CDH18: variants seen among roughly 807,000 people sequenced by gnomAD.
CDH18 encodes cadherin 18.
A neutral mutation model predicts 67.9 loss-of-function variants in CDH18; 31 were observed. The observed-to-expected ratio is 0.46, with a 90% CI of 0.34 to 0.62. The LOEUF is 0.62. CDH18 is among the 20% of genes least tolerant of loss of function. The probability of loss-of-function intolerance (pLI) is 0.01; values close to 1 mark genes in which losing one functional copy is unlikely to be tolerated. For synonymous variants in CDH18, 362 were observed against 347.2 expected (o/e 1.04, Z -0.48); for missense variants, 890 against 975.5 (o/e 0.91, Z 1.17).
chr5:20,516,492 C>A (rs912564141), intron 1 of CDH18, among the ~76,000 whole-genome samples: 2 of 151,782 alleles, frequency 1.3e-5, no homozygotes, highest in Non-Finnish European at 2.9e-5. Context: ...GCTGAGTTTT[C>A]AAATGAGCTG....
At chr5:20,046,385 A>C (rs992142215) in intron 2 of CDH18, among the ~76,000 whole-genome samples, 1 of 151,882 alleles carries the variant, frequency 6.6e-6, no homozygotes, top group African/African-American at 2.4e-5. Flanking sequence ...TTTCATATGT[A>C]TTAATTTTGA....
intron 3 of CDH18, 117 bp from the exon 4 acceptor site, chr5:19,747,353 G>A: frequency 1.3e-6 from 1 of 774,474 alleles, no homozygotes; most frequent in Non-Finnish European, 2.0e-6. Flanking sequence ...CCTTTACAGT[G>A]CCCTGTGTGT....
intron 10 of CDH18, among the ~76,000 whole-genome samples, chr5:19,511,183 G>C (rs925509534): frequency 1.3e-5 from 2 of 152,096 alleles, no homozygotes; most frequent in African/African-American, 2.4e-5. Context: ...TTCTGAAGAA[G>C]GTGCCTTGCT....
rs142084787 is a variant in CDH18 at position 19,812,433 on chromosome 5, T to C, written c.228+26326A>G. ...AAAATATGTAACTGAAATTTGAACA[T>C]TCTATGTCGTTGTTGGAGAAGTAGA... is the stretch of plus-strand genomic sequence containing the variant. On this transcript the variant is annotated intron_variant, in intron 3 of 12. Coordinates refer to ENST00000382275, the MANE Select transcript of CDH18 (RefSeq NM_004934.5). Among the ~76,000 whole-genome samples, 585 of 152,290 alleles carry C rather than the reference T, an allele frequency of 3.8e-3. 6 individuals carry two copies. The highest frequency in any genetic ancestry group is 0.013 in the African/African-American group (559 of 41,580).
In CDH18 at chr5:20,422,757, C is replaced by T. The variant is rs1280385763; in HGVS notation, c.-580+152705G>A. 2.0e-5 allele frequency among the ~76,000 whole-genome samples: 3 copies of T among 150,948 alleles called. No homozygotes were observed. In the East Asian group the frequency reaches 5.8e-4, roughly 29 times the overall value. On this transcript the variant is annotated intron_variant, in intron 1 of 14. Coordinates refer to the CDH18 transcript ENST00000507958. ...AGGTGAAAAACTAAAAAGCAACTTC[C>T]CAGAATGGACAAAAGGTAACTTTAA...
At chr5:20,323,550 A>G (rs573996081) in intron 1 of CDH18, among the ~76,000 whole-genome samples, 1 of 152,372 alleles carries the variant, frequency 6.6e-6, no homozygotes, top group South Asian at 2.1e-4. Context: ...GTACACAGAT[A>G]GTAACATATG....
At chr5:20,284,462 A>G (rs1042127313) in intron 1 of CDH18, among the ~76,000 whole-genome samples, 3 of 152,018 alleles carry the variant, frequency 2.0e-5, no homozygotes, top group African/African-American at 7.2e-5. Context: ...AACAGAAAAC[A>G]TGCTGATTAA....
At chr5:20,537,215 T>C (rs1435935802) in intron 1 of CDH18, among the ~76,000 whole-genome samples, 1 of 152,172 alleles carries the variant, frequency 6.6e-6, no homozygotes, top group Non-Finnish European at 1.5e-5. Flanking sequence ...TCTTCTATCC[T>C]AGAAAACTTG....
intron 1 of CDH18, among the ~76,000 whole-genome samples, chr5:20,321,352 G>A (rs1357845989): frequency 6.6e-6 from 1 of 151,972 alleles, no homozygotes; most frequent in Non-Finnish European, 1.5e-5. Flanking sequence ...TGTAGTTAGA[G>A]TGTCAGACAC....
At chr5:19,986,987 A>G (rs1442063667) in intron 1 of CDH18, among the ~76,000 whole-genome samples, 1 of 152,166 alleles carries the variant, frequency 6.6e-6, no homozygotes, top group African/African-American at 2.4e-5. Context: ...CTGCATAACA[A>G]AATCTTCCTC....
rs192737211 is a variant in CDH18 at position 19,869,801 on chromosome 5, C to A, written c.-256-30559G>T. ...AGTAGTTCCGTTTCAATTCACATTTCTAGATAATTCTGTTATACTAACTCC... is the reference window on the plus strand; with the variant it reads ...AGTAGTTCCGTTTCAATTCACATTTATAGATAATTCTGTTATACTAACTCC... On this transcript the variant is annotated intron_variant, in intron 2 of 12. Transcript: ENST00000382275. 2.1e-3 allele frequency among the ~76,000 whole-genome samples: 314 copies of A among 152,152 alleles called. 3 individuals are homozygous for A. Among genetic ancestry groups the A allele is most frequent in the African/African-American group, 6.6e-3 (274 of 41,548 alleles).
intron 12 of CDH18, among the ~76,000 whole-genome samples, chr5:19,478,859 T>C (rs1307530667): frequency 6.6e-6 from 1 of 152,208 alleles, no homozygotes. Flanking sequence ...TGGTAAATTC[T>C]GATTGCATCA....
chr5:19,806,479 G>A (rs893510476), intron 3 of CDH18, among the ~76,000 whole-genome samples: 1 of 152,056 alleles, frequency 6.6e-6, no homozygotes, highest in Admixed American at 6.6e-5. Flanking sequence ...TTGTTCTTCC[G>A]CCTTATCAAT....
intron 7 of CDH18, among the ~76,000 whole-genome samples, chr5:19,583,960 T>C (rs528831797): frequency 1.3e-5 from 2 of 152,276 alleles, no homozygotes; most frequent in African/African-American, 4.8e-5. Flanking sequence ...TAGAAGGGAA[T>C]GACAACACAA....
intron 1 of CDH18, among the ~76,000 whole-genome samples, chr5:20,406,092 C>A (rs527904510): frequency 1.3e-5 from 2 of 152,218 alleles, no homozygotes; most frequent in South Asian, 4.1e-4. Context: ...GGTATATACC[C>A]AAAGGACTAT....
At chr5:19,873,675 T>G (rs909810427) in intron 2 of CDH18, among the ~76,000 whole-genome samples, 5 of 151,868 alleles carry the variant, frequency 3.3e-5, no homozygotes, top group African/African-American at 1.2e-4. Context: ...TGAGACAGAG[T>G]CTTGCTTTGT....
intron 2 of CDH18, among the ~76,000 whole-genome samples, chr5:20,237,852 C>G (rs530647044): frequency 6.6e-6 from 1 of 151,884 alleles, no homozygotes; most frequent in East Asian, 1.9e-4. Flanking sequence ...ATAGTCAAAT[C>G]ATAATAACTA....
intron 2 of CDH18, among the ~76,000 whole-genome samples, chr5:20,095,492 AG>A (rs2150568224): frequency 1.8e-5 from 2 of 112,216 alleles, no homozygotes; most frequent in Admixed American, 2.1e-4. Flanking sequence ...AGAGAGAGGG[AG>A]GGAGGGAGGG....
chr5:20,387,585 C>G, intron 1 of CDH18, among the ~76,000 whole-genome samples: 1 of 151,828 alleles, frequency 6.6e-6, no homozygotes, highest in East Asian at 1.9e-4. Context: ...ATTTCCCTGG[C>G]CAGAACTTCC....
Sources: gnomAD v4.1 joint callset for allele counts (sites outside exome capture counted in the v4.1 genomes callset) on GRCh38, gnomAD v4.1.1 for gene constraint, MANE v1.5 for transcripts, NCBI Gene and HGNC (gene_info 2026-07-23, HGNC 2026-07-21) for gene names.